GRIA4: variants seen among roughly 807,000 people sequenced by gnomAD.
The protein encoded by GRIA4 is glutamate ionotropic receptor AMPA type subunit 4, also known as glutamate receptor 4.
GRIA4 carries 34 observed loss-of-function variants against 104.0 expected under a neutral mutation model. The observed-to-expected ratio is 0.33, with a 90% CI of 0.25 to 0.44. The LOEUF is 0.44. GRIA4 is among the 20% of genes least tolerant of loss of function. The pLI, the probability that GRIA4 is intolerant of heterozygous loss-of-function variation, is 1.00. For missense variants in GRIA4, 750 were observed against 1,096.5 expected (o/e 0.68, Z 4.46); for synonymous variants, 386 against 381.9 (o/e 1.01, Z -0.13).
chr11:105,900,304 G>A (rs960516115), intron 7 of GRIA4, among the ~76,000 whole-genome samples: 3 of 152,020 alleles, frequency 2.0e-5, no homozygotes, highest in Admixed American at 1.3e-4. Context: ...ACTTCTGATC[G>A]TGTCACTTCC....
At chr11:105,614,252 T>C (rs1950546042) in intron 3 of GRIA4, 1 of 151,734 alleles carries the variant, frequency 6.6e-6, no homozygotes, top group Non-Finnish European at 1.5e-5. Flanking sequence ...TTTTGTTTCA[T>C]TTTTACAAAG....
At chr11:105,777,724 C>T (rs1398790297) in intron 4 of GRIA4, among the ~76,000 whole-genome samples, 1 of 152,164 alleles carries the variant, frequency 6.6e-6, no homozygotes, top group Non-Finnish European at 1.5e-5. Context: ...TTCCATTTCA[C>T]ACACTGAAGT....
At chr11:105,934,860 G>A (rs1938910) in intron 14 of GRIA4, among the ~76,000 whole-genome samples, 12,871 of 152,052 alleles carry the variant, frequency 0.085, 741 homozygotes, top group Admixed American at 0.18. Flanking sequence ...AGTGATGATC[G>A]ACAAATTACT....
intron 6 of GRIA4, among the ~76,000 whole-genome samples, chr11:105,890,537 C>T (rs1946418458): frequency 1.3e-5 from 2 of 152,190 alleles, no homozygotes; most frequent in African/African-American, 4.8e-5. Flanking sequence ...ATTCAATCTC[C>T]TTCATCATTC....
chr11:105,960,786 G>A (rs757117954), intron 14 of GRIA4, among the ~76,000 whole-genome samples: 10 of 152,190 alleles, frequency 6.6e-5, no homozygotes, highest in Non-Finnish European at 1.3e-4. Flanking sequence ...TCCCATCTGT[G>A]GGTTGCACAG....
At chr11:105,614,460 C>A (rs1171308316) in intron 3 of GRIA4, 1 of 151,520 alleles carries the variant, frequency 6.6e-6, no homozygotes, top group Non-Finnish European at 1.5e-5. Context: ...TAAATATTAG[C>A]AAGTTGCATA....
At chr11:105,868,255 G>A (rs1945498294) in intron 5 of GRIA4, among the ~76,000 whole-genome samples, 1 of 152,126 alleles carries the variant, frequency 6.6e-6, no homozygotes, top group Admixed American at 6.6e-5. Context: ...GAACTGTAAA[G>A]GAAACGAGAT....
chr11:105,782,981 T>C (rs1331458023), intron 4 of GRIA4, among the ~76,000 whole-genome samples: 2 of 152,100 alleles, frequency 1.3e-5, no homozygotes, highest in Non-Finnish European at 2.9e-5. Context: ...AAATAATAAA[T>C]GTAAAGTTTT....
chr11:105,769,211 G>T (rs1941095119), intron 4 of GRIA4, among the ~76,000 whole-genome samples: 1 of 152,098 alleles, frequency 6.6e-6, no homozygotes, highest in South Asian at 2.1e-4. Context: ...GAAATGAAAT[G>T]GCAGGCTTCT....
intron 3 of GRIA4, among the ~76,000 whole-genome samples, chr11:105,718,400 C>T (rs533229126): frequency 1.3e-5 from 2 of 152,266 alleles, no homozygotes; most frequent in African/African-American, 2.4e-5. Flanking sequence ...CCAATATTAT[C>T]GTACCATAAG....
intron 3 of GRIA4, among the ~76,000 whole-genome samples, chr11:105,637,536 A>G (rs1951239176): frequency 6.6e-6 from 1 of 152,200 alleles, no homozygotes; most frequent in African/African-American, 2.4e-5. Flanking sequence ...AATTCAAAGA[A>G]AAGTCAAATA....
chr11:105,836,131 A>G (rs1257758950), intron 4 of GRIA4, among the ~76,000 whole-genome samples: 1 of 152,120 alleles, frequency 6.6e-6, no homozygotes, highest in South Asian at 2.1e-4. Flanking sequence ...TCTTAGAAAA[A>G]GGAAAGAAAA....
chr11:105,814,579 A>G (rs1392844302), intron 4 of GRIA4, among the ~76,000 whole-genome samples: 1 of 152,210 alleles, frequency 6.6e-6, no homozygotes, highest in African/African-American at 2.4e-5. Context: ...TGTAGGATCT[A>G]AATGAGAAAA....
intron 3 of GRIA4, among the ~76,000 whole-genome samples, chr11:105,718,284 C>A (rs1458103461): frequency 6.6e-6 from 1 of 152,152 alleles, no homozygotes; most frequent in Non-Finnish European, 1.5e-5. Flanking sequence ...TAAGCTCTTC[C>A]AAGCTTTCAT....
chr11:105,803,459 GTTACA>G (rs1228759734), intron 4 of GRIA4, among the ~76,000 whole-genome samples: 3 of 151,792 alleles, frequency 2.0e-5, no homozygotes, highest in Admixed American at 6.6e-5. Flanking sequence ...AGTCTCACAG[GTTACA>G]TTAATGTGCT....
chr11:105,701,372 G>C (rs1398030914), intron 3 of GRIA4, among the ~76,000 whole-genome samples: 14 of 152,152 alleles, frequency 9.2e-5, no homozygotes. Context: ...GATGATATGG[G>C]ATAGGATATG....
At chr11:105,612,223 A>G (rs1427024911) in intron 2 of GRIA4, 53 bp from the exon 3 acceptor site, 5 of 1,553,418 alleles carry the variant, frequency 3.2e-6, no homozygotes, top group Non-Finnish European at 4.4e-6. Flanking sequence ...TGGGGTGGGT[A>G]TAATGTTGAC....
At chr11:105,855,367 A>G (rs1394408490) in intron 4 of GRIA4, among the ~76,000 whole-genome samples, 1 of 152,196 alleles carries the variant, frequency 6.6e-6, no homozygotes, top group African/African-American at 2.4e-5. Flanking sequence ...TCACAAACAT[A>G]TATTTTAATT....
intron 4 of GRIA4, among the ~76,000 whole-genome samples, chr11:105,763,852 T>C (rs1166983038): frequency 6.6e-6 from 1 of 152,230 alleles, no homozygotes; most frequent in Non-Finnish European, 1.5e-5. Flanking sequence ...GGGTATTTGA[T>C]GTGAGTACAC....
Sources: allele counts gnomAD v4.1 joint callset (sites outside exome capture counted in the v4.1 genomes callset), GRCh38; gene constraint gnomAD v4.1.1; transcripts MANE v1.5; gene names NCBI Gene and HGNC (gene_info 2026-07-23, HGNC 2026-07-21).